The following TRAPPC9 variants were observed in gnomAD, a reference collection of about 807,000 sequenced individuals.
The protein encoded by TRAPPC9 is trafficking protein particle complex subunit 9, also known as IKK2 binding protein.
TRAPPC9 carries 83 observed loss-of-function variants against 124.0 expected under a neutral mutation model. The ratio of observed to expected loss-of-function variants is 0.67; its 90% CI spans 0.56 to 0.80. TRAPPC9 has a LOEUF of 0.80. Among genes scored for constraint, TRAPPC9 ranks in the 30% least tolerant of loss-of-function variants. The pLI is 0.00. For missense variants in TRAPPC9, 1,302 were observed against 1,508.3 expected (o/e 0.86, Z 2.27); for synonymous variants, 638 against 617.5 (o/e 1.03, Z -0.49).
chr8:140,446,689 G>A (rs2071272566), intron 2 of TRAPPC9, among the ~76,000 whole-genome samples: 1 of 152,084 alleles, frequency 6.6e-6, no homozygotes, highest in South Asian at 2.1e-4. Flanking sequence ...AAGTAAGCTG[G>A]GACTACAGGC....
chr8:140,169,209 A>C (rs117376706), intron 17 of TRAPPC9, among the ~76,000 whole-genome samples: 3,152 of 152,246 alleles, frequency 0.021, 32 homozygotes, highest in South Asian at 0.036. Flanking sequence ...AAAAATAGTT[A>C]TTGAGTGCAA....
chr8:139,831,583 A>T (rs528088843), intron 21 of TRAPPC9, among the ~76,000 whole-genome samples: 1 of 152,030 alleles, frequency 6.6e-6, no homozygotes, highest in African/African-American at 2.4e-5. Context: ...CTCCTACCCA[A>T]GCTCCCCACC....
chr8:140,113,799 G>A (rs752327512), intron 17 of TRAPPC9, among the ~76,000 whole-genome samples: 2 of 152,192 alleles, frequency 1.3e-5, no homozygotes, highest in Admixed American at 6.5e-5. Context: ...CCAACTTGAT[G>A]ACTGGTGCAC....
chr8:140,227,852 G>T (rs531881823), intron 16 of TRAPPC9, among the ~76,000 whole-genome samples: 1 of 152,326 alleles, frequency 6.6e-6, no homozygotes, highest in South Asian at 2.1e-4. Context: ...GAGAAGGTAA[G>T]TACCTTGCTC....
At chr8:140,346,901 C>T (rs191401611) in intron 9 of TRAPPC9, among the ~76,000 whole-genome samples, 1 of 152,342 alleles carries the variant, frequency 6.6e-6, no homozygotes, top group Non-Finnish European at 1.5e-5. Context: ...TGTGTCCACT[C>T]GGCTGAGTTG....
chr8:140,456,575 T>C (rs2071673437), intron 1 of TRAPPC9, among the ~76,000 whole-genome samples: 1 of 152,024 alleles, frequency 6.6e-6, no homozygotes, highest in Non-Finnish European at 1.5e-5. Flanking sequence ...TCTACACTAC[T>C]AGTCCTCCAC....
rs1173577273 is a variant in TRAPPC9, at chr8:139,729,295, T to C, written c.*1766A>G. Among the ~76,000 whole-genome samples, 2 of 152,274 alleles carry C rather than the reference T, an allele frequency of 1.3e-5. No individual in the cohort carries two copies. Among genetic ancestry groups the C allele is most frequent in the Non-Finnish European group, 2.9e-5 (2 of 68,048 alleles). On this transcript the variant is annotated 3_prime_UTR_variant, in exon 23 of 23. Coordinates refer to ENST00000438773, the MANE Select transcript of TRAPPC9 (RefSeq NM_001160372.4). ...TTGGGCTGAGCCCATCATCCTGCAA[T>C]GTGTTGTTTCATTCAATGGCGTATT... is the stretch of plus-strand genomic sequence containing the variant.
chr8:140,096,645 C>T (rs1844973395), intron 17 of TRAPPC9: 3 of 152,140 alleles, frequency 2.0e-5, no homozygotes, highest in Admixed American at 6.6e-5. Context: ...AAAAAGTTGC[C>T]ATCAACAAAG....
chr8:139,813,101 C>CT (rs1473846713), intron 21 of TRAPPC9, among the ~76,000 whole-genome samples: 7 of 152,212 alleles, frequency 4.6e-5, no homozygotes, highest in African/African-American at 1.7e-4. Context: ...GGCCGGGTGC[C>CT]AGCTGCTCAA....
chr8:139,876,712 C>G (rs775066930), intron 21 of TRAPPC9, among the ~76,000 whole-genome samples: 5 of 152,206 alleles, frequency 3.3e-5, no homozygotes, highest in African/African-American at 7.2e-5. Context: ...TCCATGCAAC[C>G]TTAGGCCCCC....
intron 1 of TRAPPC9, among the ~76,000 whole-genome samples, chr8:140,456,504 T>C (rs971925593): frequency 1.3e-5 from 2 of 152,234 alleles, no homozygotes; most frequent in African/African-American, 2.4e-5. Context: ...GCTGTTATTT[T>C]TGACACACTA....
chr8:140,233,100 G>C (rs2063640084), intron 16 of TRAPPC9, among the ~76,000 whole-genome samples: 1 of 152,218 alleles, frequency 6.6e-6, no homozygotes, highest in Non-Finnish European at 1.5e-5. Flanking sequence ...TTTCAAGGTA[G>C]AGCATTGATT....
chr8:139,866,199 G>A (rs1230371684), intron 21 of TRAPPC9, among the ~76,000 whole-genome samples: 1 of 152,196 alleles, frequency 6.6e-6, no homozygotes, highest in African/African-American at 2.4e-5. Flanking sequence ...GTTGCAAAAT[G>A]TTCCTTATCA....
chr8:140,149,135 C>A (rs570569859), intron 17 of TRAPPC9, among the ~76,000 whole-genome samples: 19 of 152,190 alleles, frequency 1.2e-4, no homozygotes, highest in African/African-American at 4.6e-4. Context: ...CAAGCATCCG[C>A]GTGCCCCTGC....
intron 17 of TRAPPC9, among the ~76,000 whole-genome samples, chr8:140,189,274 C>T (rs1328739906): frequency 5.3e-5 from 8 of 152,328 alleles, no homozygotes; most frequent in South Asian, 2.1e-4. Flanking sequence ...CTGCCAGGTT[C>T]GTTTCCGCAT....
At chr8:139,821,033 TATAAC>T (rs1825217046) in intron 21 of TRAPPC9, among the ~76,000 whole-genome samples, 1 of 152,036 alleles carries the variant, frequency 6.6e-6, no homozygotes, top group Admixed American at 6.6e-5. Context: ...TCAAAAGAAA[TATAAC>T]AGACCAGGAA....
chr8:139,790,744 G>A (rs1822603524), intron 21 of TRAPPC9, among the ~76,000 whole-genome samples: 1 of 152,170 alleles, frequency 6.6e-6, no homozygotes, highest in African/African-American at 2.4e-5. Flanking sequence ...GGTTATGGTT[G>A]GATGTTTGTC....
In TRAPPC9 at chr8:140,275,706, C is replaced by T; in HGVS notation, c.2230G>A (p.Glu744Lys). Reference sequence around the variant, plus strand: ...GTGACCTCCAGTTTCTCCAATGGTTCCATTCCAATATTTTCCAATTTAATG... The same window carrying T: ...GTGACCTCCAGTTTCTCCAATGGTTTCATTCCAATATTTTCCAATTTAATG... Reference protein sequence around the residue: ...LIIKLENIGMEPLEKLEVTSK... With the variant: ...LIIKLENIGMKPLEKLEVTSK... Residue 744 changes from glutamate to lysine, a missense_variant, in exon 15 of 23, where the codon GAA becomes AAA. Around this residue, in one of 3 missense-constraint regions of TRAPPC9, gnomAD observed 640 missense variants for 679.3 expected, o/e 0.94. Coordinates refer to ENST00000438773, the MANE Select transcript of TRAPPC9 (RefSeq NM_001160372.4). 6.2e-7 allele frequency: 1 copy of T among 1,614,190 alleles called. No individual in the cohort carries two copies. Among genetic ancestry groups the T allele is most frequent in the Non-Finnish European group, 8.5e-7 (1 of 1,180,018 alleles).
chr8:140,338,442 G>A (rs922610795), intron 9 of TRAPPC9, among the ~76,000 whole-genome samples: 1 of 152,170 alleles, frequency 6.6e-6, no homozygotes, highest in Non-Finnish European at 1.5e-5. Context: ...CCTTAGGATG[G>A]GACAGGACAG....
Sources: allele counts gnomAD v4.1 joint callset (sites outside exome capture counted in the v4.1 genomes callset), GRCh38; gene constraint gnomAD v4.1.1; regional missense constraint gnomAD v4.1.1; transcripts MANE v1.5; gene names NCBI Gene and HGNC (gene_info 2026-07-23, HGNC 2026-07-21).